The following ZFHX3 variants were observed in gnomAD, a reference collection of about 807,000 sequenced individuals.
The protein encoded by ZFHX3 is zinc finger homeobox protein 3.
In ZFHX3, 42 loss-of-function variants were observed where a neutral mutation model predicts 279.1. That is an observed-to-expected ratio of 0.15 (90% CI 0.12 to 0.19). ZFHX3 has a LOEUF of 0.19. ZFHX3 is among the 10% of genes least tolerant of loss of function. The probability of loss-of-function intolerance (pLI) is 1.00; values close to 1 mark genes in which losing one functional copy is unlikely to be tolerated. For missense variants in ZFHX3, 4,981 were observed against 4,754.0 expected, an observed-to-expected ratio of 1.05 and a Z score of -1.40; for synonymous variants, 2,293 against 1,957.8, an observed-to-expected ratio of 1.17 and a Z score of -4.52.
At chr16:73,101,645 G>A (rs894730047) in intron 7 of ZFHX3, among the ~76,000 whole-genome samples, 6 of 151,928 alleles carry the variant, frequency 3.9e-5, no homozygotes, top group African/African-American at 1.2e-4. Context: ...CAAGTGATCC[G>A]CTCACGTCAC....
intron 8 of ZFHX3, among the ~76,000 whole-genome samples, chr16:73,068,395 A>G (rs1485632405): frequency 1.3e-5 from 2 of 152,238 alleles, no homozygotes. Context: ...GTATGGATTC[A>G]GGGCTAGATT....
At chr16:73,699,185 T>C (rs192610273) in intron 1 of ZFHX3, among the ~76,000 whole-genome samples, 11 of 152,342 alleles carry the variant, frequency 7.2e-5, no homozygotes, top group Non-Finnish European at 1.2e-4. Flanking sequence ...ATTGTATCAA[T>C]GTCAATTTCT....
chr16:73,401,078 A>G (rs1012459915), intron 3 of ZFHX3: 3 of 151,952 alleles, frequency 2.0e-5, no homozygotes, highest in Non-Finnish European at 4.4e-5. Context: ...TTTGCATAAA[A>G]TTCCGTCCCC....
chr16:73,640,329 A>G (rs527465107), intron 2 of ZFHX3, among the ~76,000 whole-genome samples: 16 of 152,286 alleles, frequency 1.1e-4, no homozygotes, highest in African/African-American at 3.8e-4. Context: ...AACATACCCA[A>G]TCAACTTTTT....
chr16:73,384,757 T>C (rs891620130), intron 3 of ZFHX3, among the ~76,000 whole-genome samples: 1 of 152,246 alleles, frequency 6.6e-6, no homozygotes, highest in Non-Finnish European at 1.5e-5. Flanking sequence ...GACAGCTCAG[T>C]GGACATTCAT....
At chr16:73,703,846 G>A (rs931974127) in intron 1 of ZFHX3, among the ~76,000 whole-genome samples, 6 of 152,166 alleles carry the variant, frequency 3.9e-5, no homozygotes, top group East Asian at 3.9e-4. Context: ...GATCCGAGTC[G>A]TAACGAGGCC....
At chr16:73,183,735 T>C (rs1967850396) in intron 5 of ZFHX3, among the ~76,000 whole-genome samples, 1 of 152,210 alleles carries the variant, frequency 6.6e-6, no homozygotes, top group Non-Finnish European at 1.5e-5. Flanking sequence ...GAGCCTCCTC[T>C]GAATGGTTTC....
intron 1 of ZFHX3, among the ~76,000 whole-genome samples, chr16:73,717,039 G>A (rs974279653): frequency 2.6e-5 from 4 of 151,996 alleles, no homozygotes; most frequent in Non-Finnish European, 4.4e-5. Flanking sequence ...CCATAGAACA[G>A]CAGAAAAAAT....
At chr16:73,449,928 A>C (rs1002602494) in intron 3 of ZFHX3, among the ~76,000 whole-genome samples, 3 of 152,196 alleles carry the variant, frequency 2.0e-5, no homozygotes, top group African/African-American at 7.2e-5. Flanking sequence ...TTCAATTTCA[A>C]GTCTATATTT....
At chr16:72,979,921 G>A (rs1028628035) in intron 1 of ZFHX3, among the ~76,000 whole-genome samples, 3 of 152,068 alleles carry the variant, frequency 2.0e-5, no homozygotes, top group Admixed American at 6.5e-5. Flanking sequence ...TATTTACAAT[G>A]TCCAAGAGAA....
chr16:72,922,225 T>C (rs2039603468), intron 3 of ZFHX3, among the ~76,000 whole-genome samples: 1 of 152,138 alleles, frequency 6.6e-6, no homozygotes, highest in African/African-American at 2.4e-5. Flanking sequence ...TACTCCTCTC[T>C]TTGCACCCAA....
intron 3 of ZFHX3, among the ~76,000 whole-genome samples, chr16:73,365,764 C>T (rs2016518559): frequency 6.6e-6 from 1 of 152,212 alleles, no homozygotes; most frequent in African/African-American, 2.4e-5. Context: ...TCACATTCTT[C>T]CCCTCCTGAT....
chr16:73,570,713 T>A (rs907199537), intron 2 of ZFHX3, among the ~76,000 whole-genome samples: 2 of 152,172 alleles, frequency 1.3e-5, no homozygotes, highest in Non-Finnish European at 2.9e-5. Flanking sequence ...AAGCTAAACA[T>A]CATTGGTATG....
chr16:73,484,635 C>T (rs534053623), intron 2 of ZFHX3, among the ~76,000 whole-genome samples: 2 of 152,222 alleles, frequency 1.3e-5, no homozygotes, highest in Non-Finnish European at 2.9e-5. Flanking sequence ...GTGATGCCTA[C>T]AGTGCATACC....
intron 4 of ZFHX3, among the ~76,000 whole-genome samples, chr16:72,838,575 G>C (rs1458524529): frequency 6.6e-6 from 1 of 152,158 alleles, no homozygotes; most frequent in Non-Finnish European, 1.5e-5. Context: ...CAGAACGCCA[G>C]AGCATGAAGT....
chr16:73,452,225 A>G (rs2018291174), intron 3 of ZFHX3, among the ~76,000 whole-genome samples: 2 of 152,318 alleles, frequency 1.3e-5, no homozygotes, highest in South Asian at 4.1e-4. Flanking sequence ...TTTTATGGTG[A>G]ACAGATTTCT....
chr16:73,529,378 C>T (rs753090335), intron 2 of ZFHX3, among the ~76,000 whole-genome samples: 30 of 152,290 alleles, frequency 2.0e-4, no homozygotes, highest in Non-Finnish European at 4.3e-4. Flanking sequence ...ATATTGTGTC[C>T]GTTCTAGAGA....
At chr16:73,004,157 GACTTTTTTTTTTTTTTTTTTTTTTTTTAA>G (rs1447189199) in intron 1 of ZFHX3, among the ~76,000 whole-genome samples, 1 of 61,122 alleles carries the variant, frequency 1.6e-5, no homozygotes, top group Non-Finnish European at 2.8e-5. Context: ...ATAAAAACAC[GACTTTTTTTTTTTTTTTTTTTTTTTTTAA>G]GTAGAGACAG....
intron 7 of ZFHX3, chr16:73,127,181 G>A (rs1252269658): frequency 5.2e-6 from 2 of 383,112 alleles, no homozygotes; most frequent in South Asian, 2.4e-5. Context: ...GTTGGAAGAA[G>A]GGTCTGATCG....
Sources: gnomAD v4.1 joint callset for allele counts (sites outside exome capture counted in the v4.1 genomes callset) on GRCh38, gnomAD v4.1.1 for gene constraint, MANE v1.5 for transcripts, NCBI Gene and HGNC (gene_info 2026-07-23, HGNC 2026-07-21) for gene names.